The following COL5A1 variants were observed in gnomAD, a reference collection of about 807,000 sequenced individuals.
COL5A1 encodes the protein collagen alpha-1(V) chain.
In COL5A1, 16 loss-of-function variants were observed where a neutral mutation model predicts 263.7. That is an observed-to-expected ratio of 0.06 (90% CI 0.04 to 0.09). The LOEUF is 0.09. Among genes scored for constraint, COL5A1 ranks in the 10% least tolerant of loss-of-function variants. The probability of loss-of-function intolerance (pLI) is 1.00; values close to 1 mark genes in which losing one functional copy is unlikely to be tolerated. For missense variants in COL5A1, 2,036 were observed against 2,540.5 expected (o/e 0.80, Z 4.27); for synonymous variants, 1,012 against 1,004.5 (o/e 1.01, Z -0.14).
intron 1 of COL5A1, among the ~76,000 whole-genome samples, chr9:134,672,406 A>T (rs1448551410): frequency 6.6e-6 from 1 of 152,210 alleles, no homozygotes; most frequent in Non-Finnish European, 1.5e-5. Context: ...TTACTAAAGG[A>T]ACATTTTGAT....
At chr9:134,840,631 G>A (rs1054602323) in intron 65 of COL5A1, among the ~76,000 whole-genome samples, 13 of 152,180 alleles carry the variant, frequency 8.5e-5, no homozygotes, top group Admixed American at 7.2e-4. Flanking sequence ...TCGCTGCCAC[G>A]ACAAATCTCG....
chr9:134,786,730 T>C (rs1837472146), intron 31 of COL5A1, among the ~76,000 whole-genome samples: 1 of 152,244 alleles, frequency 6.6e-6, no homozygotes, highest in Non-Finnish European at 1.5e-5. Flanking sequence ...CATTTTATTA[T>C]TCATGGTTCT....
At chr9:134,649,527 G>A (rs768839602) in intron 1 of COL5A1, 1 of 470,952 alleles carries the variant, frequency 2.1e-6, no homozygotes. Flanking sequence ...TAGCTCTTCT[G>A]TCCTTTTCTT....
At chr9:134,748,521 C>T (rs1453376659) in intron 11 of COL5A1, among the ~76,000 whole-genome samples, 1 of 152,350 alleles carries the variant, frequency 6.6e-6, no homozygotes, top group Middle Eastern at 3.4e-3. Flanking sequence ...GATTCCGACA[C>T]AGGAATCTCA....
intron 48 of COL5A1, among the ~76,000 whole-genome samples, chr9:134,813,352 G>A (rs1288282459): frequency 6.6e-6 from 1 of 152,148 alleles, no homozygotes; most frequent in Non-Finnish European, 1.5e-5. Context: ...CCATGCACTT[G>A]AGCCCCCTGT....
At chr9:134,762,052 A>G (rs1836466938) in intron 19 of COL5A1, 74 bp downstream of exon 19, 1 of 1,505,070 alleles carries the variant, frequency 6.6e-7, no homozygotes, top group Non-Finnish European at 9.2e-7. Flanking sequence ...AAAACCACAG[A>G]AGAGAGGCCC....
intron 5 of COL5A1, 115 bp downstream of exon 5, chr9:134,727,512 T>A: frequency 8.3e-7 from 1 of 1,204,984 alleles, no homozygotes. Context: ...TGGGTGAGAA[T>A]TTGGAGGGAC....
intron 1 of COL5A1, among the ~76,000 whole-genome samples, chr9:134,685,082 ACCC>A (rs1832977928): frequency 2.0e-5 from 2 of 98,446 alleles, no homozygotes; most frequent in Non-Finnish European, 4.5e-5. Flanking sequence ...CCATCCATCC[ACCC>A]ACCATCCATC....
intron 1 of COL5A1, among the ~76,000 whole-genome samples, chr9:134,651,641 C>T (rs1399266271): frequency 6.6e-6 from 1 of 152,248 alleles, no homozygotes; most frequent in Non-Finnish European, 1.5e-5. Flanking sequence ...TTAGGTCAGT[C>T]ACTGGGGCCT....
chr9:134,743,902 T>G (rs907642262), intron 11 of COL5A1, among the ~76,000 whole-genome samples: 1 of 152,160 alleles, frequency 6.6e-6, no homozygotes, highest in African/African-American at 2.4e-5. Context: ...AGCCAGAAAG[T>G]GTGGCTCACC....
chr9:134,654,450 T>TGG (rs1588406203), intron 1 of COL5A1, among the ~76,000 whole-genome samples: 3 of 84,792 alleles, frequency 3.5e-5, no homozygotes, highest in Admixed American at 1.3e-4. Flanking sequence ...TGTGTAGGGC[T>TGG]GGTGTGTGTA....
At chr9:134,792,881 A>G (rs544234617) in intron 32 of COL5A1, among the ~76,000 whole-genome samples, 36 of 30,508 alleles carry the variant, frequency 1.2e-3, no homozygotes, top group Non-Finnish European at 1.8e-3. Context: ...GTTTGTGCAC[A>G]CGTGTGTGTG....
intron 1 of COL5A1, among the ~76,000 whole-genome samples, chr9:134,644,206 G>C (rs1341732314): frequency 1.4e-5 from 2 of 139,284 alleles, no homozygotes; most frequent in South Asian, 5.1e-4. Context: ...GCGCTGGGGG[G>C]AGGGGGCGGC....
intron 11 of COL5A1, among the ~76,000 whole-genome samples, chr9:134,739,933 T>C (rs1835241376): frequency 2.6e-5 from 4 of 152,136 alleles, no homozygotes; most frequent in Admixed American, 2.0e-4. Context: ...AGGTCAGCTA[T>C]GCGGGAGGAG....
chr9:134,816,797 G>A (rs1430901307), intron 52 of COL5A1, among the ~76,000 whole-genome samples: 1 of 152,256 alleles, frequency 6.6e-6, no homozygotes, highest in Non-Finnish European at 1.5e-5. Flanking sequence ...GAGTGGGGAA[G>A]TTCTCTTCCA....
chr9:134,816,652 C>G (rs1471185824), intron 52 of COL5A1, among the ~76,000 whole-genome samples: 1 of 152,246 alleles, frequency 6.6e-6, no homozygotes, highest in African/African-American at 2.4e-5. Flanking sequence ...CAGACACCCC[C>G]AGTCCACCAC....
At position 134,757,405 on chromosome 9, in the gene COL5A1, C is replaced by T. The variant is rs562270684; in HGVS notation, c.1881+587C>T. ...TCTTGGAAGCATTTGTCCCAGGCCACGGGGGGCAGGGGAGATACTGACCTT... is the reference window on the plus strand; with the variant it reads ...TCTTGGAAGCATTTGTCCCAGGCCATGGGGGGCAGGGGAGATACTGACCTT... On this transcript the variant is annotated intron_variant, in intron 17 of 65. Coordinates refer to ENST00000371817, the MANE Select transcript of COL5A1 (RefSeq NM_000093.5). This position sits in a 1 kb window ranked among gnomAD's most constrained non-coding sequence, Gnocchi z 6.2. Among the ~76,000 whole-genome samples the T allele has an allele frequency of 3.9e-5, 6 of 152,236 alleles. No individual in the cohort carries two copies. Among genetic ancestry groups the T allele is most frequent in the South Asian group, 4.2e-4 (2 of 4,816 alleles).
chr9:134,710,263 C>T (rs555976966), intron 4 of COL5A1, among the ~76,000 whole-genome samples: 12 of 152,320 alleles, frequency 7.9e-5, no homozygotes, highest in African/African-American at 2.2e-4. Flanking sequence ...CTCTCCTGCC[C>T]GCGCGAGACG....
intron 32 of COL5A1, among the ~76,000 whole-genome samples, chr9:134,791,588 G>T (rs1046214503): frequency 2.6e-5 from 4 of 151,770 alleles, no homozygotes; most frequent in Non-Finnish European, 4.4e-5. Flanking sequence ...GGAAGCTGAG[G>T]GCTGGGCTGT....
Sources: gnomAD v4.1 joint callset for allele counts (sites outside exome capture counted in the v4.1 genomes callset) on GRCh38, gnomAD v4.1.1 for gene constraint, Gnocchi (gnomAD v3.1) non-coding constraint, MANE v1.5 for transcripts, NCBI Gene and HGNC (gene_info 2026-07-23, HGNC 2026-07-21) for gene names.